The following SBNO1 variants were observed in gnomAD, a reference collection of about 807,000 sequenced individuals.
SBNO1 encodes the protein strawberry notch homolog 1, also known as protein strawberry notch homolog 1.
Under a neutral mutation model 173.6 loss-of-function variants are expected in SBNO1, and 23 were observed. The observed-to-expected ratio is 0.13, with a 90% CI of 0.10 to 0.19. The LOEUF is 0.19. SBNO1 is among the 10% of genes least tolerant of loss of function. SBNO1 has a pLI of 1.00. For synonymous variants in SBNO1, 632 were observed against 571.5 expected (o/e 1.11, Z -1.51); for missense variants, 1,238 against 1,671.2 (o/e 0.74, Z 4.52).
chr12:123,316,798 G>A (rs545010040), intron 21 of SBNO1, among the ~76,000 whole-genome samples: 1 of 151,468 alleles, frequency 6.6e-6, no homozygotes, highest in East Asian at 1.9e-4. Context: ...CGCCTCCCAG[G>A]TTCAAGCAAT....
intron 30 of SBNO1, among the ~76,000 whole-genome samples, chr12:123,299,215 A>G (rs1017923423): frequency 6.6e-6 from 1 of 152,106 alleles, no homozygotes; most frequent in African/African-American, 2.4e-5. Context: ...AAAAATACAA[A>G]AAATTAGCCA....
intron 8 of SBNO1, 69 bp downstream of exon 8, chr12:123,331,173 A>G: frequency 6.7e-7 from 1 of 1,502,184 alleles, no homozygotes; most frequent in Non-Finnish European, 9.2e-7. Context: ...TGTGTTAGCC[A>G]GGATGGTCTC....
intron 1 of SBNO1, among the ~76,000 whole-genome samples, chr12:123,359,773 T>C (rs1034649086): frequency 2.0e-5 from 3 of 152,174 alleles, no homozygotes; most frequent in Non-Finnish European, 4.4e-5. Flanking sequence ...TCCTTTCCAC[T>C]TAAGGAAATT....
intron 4 of SBNO1, among the ~76,000 whole-genome samples, chr12:123,341,574 T>C (rs562456820): frequency 7.2e-4 from 109 of 152,284 alleles, no homozygotes; most frequent in Non-Finnish European, 1.2e-3. Flanking sequence ...CAGGATGGAG[T>C]GCGTTGGCGC....
At chr12:123,336,740 C>T (rs1457990241) in intron 5 of SBNO1, among the ~76,000 whole-genome samples, 1 of 152,206 alleles carries the variant, frequency 6.6e-6, no homozygotes, top group Non-Finnish European at 1.5e-5. Context: ...GTCCTTCCGG[C>T]CACCATCGTG....
intron 1 of SBNO1, among the ~76,000 whole-genome samples, chr12:123,355,531 G>A (rs1178615241): frequency 3.3e-5 from 5 of 151,908 alleles, no homozygotes; most frequent in South Asian, 4.2e-4. Context: ...GTGAACCCGG[G>A]AGGCGGAGGT....
In SBNO1 at chr12:123,345,378, T is replaced by C. The variant is rs773446537; in HGVS notation, c.430A>G (p.Thr144Ala). The part of the protein sequence containing the change: ...VSAPTVRNAM[T>A]SAPSKDQVQL... ...ACTTGGTCTTTTGAAGGTGCAGAGG[T>C]CATGGCATTTCGTACTGTTGGTGCT... The change falls in exon 4 of 32, where the codon ACC becomes GCC. Residue 144 changes from threonine to alanine, a missense_variant. Coordinates refer to ENST00000602398, the MANE Select transcript of SBNO1 (RefSeq NM_001167856.3). 1 of 1,614,182 alleles carries C rather than the reference T, an allele frequency of 6.2e-7. No homozygotes were observed. Among genetic ancestry groups the C allele is most frequent in the Admixed American group, 1.7e-5 (1 of 60,016 alleles).
At chr12:123,329,201 T>A (rs1325217785) in intron 9 of SBNO1, among the ~76,000 whole-genome samples, 3 of 151,920 alleles carry the variant, frequency 2.0e-5, no homozygotes, top group African/African-American at 7.3e-5. Context: ...GCCAACATAG[T>A]GAAACCCCAT....
intron 23 of SBNO1, among the ~76,000 whole-genome samples, chr12:123,314,816 C>T (rs1222451744): frequency 3.9e-5 from 6 of 152,118 alleles, no homozygotes; most frequent in Admixed American, 1.3e-4. Context: ...AGGCTGGTCT[C>T]GAATTCCTGA....
rs1454198535 is a variant in SBNO1, at chr12:123,293,199, T to C, written c.*2709A>G. 1 of 152,206 alleles carries C rather than the reference T, an allele frequency of 6.6e-6. No individual in the cohort carries two copies. Among genetic ancestry groups the C allele is most frequent in the Non-Finnish European group, 1.5e-5 (1 of 68,040 alleles). 9.4% of individuals were successfully genotyped at this position (152,206 alleles called of 1,614,324 possible). The stretch of plus-strand genomic sequence containing the variant: ...TGTGGCATTTAGATCCTGCAATGAA[T>C]GGACCTATTTTACAGAAGTCAGCGG... On this transcript the variant is annotated 3_prime_UTR_variant, in exon 32 of 32. Transcript: ENST00000602398.
At chr12:123,362,479 G>A (rs184219456) in intron 1 of SBNO1, among the ~76,000 whole-genome samples, 4,238 of 148,060 alleles carry the variant, frequency 0.029, 144 homozygotes, top group Admixed American at 0.086. Flanking sequence ...GGATTCTGAC[G>A]GGGGGGCCAA....
chr12:123,319,997 T>A lies in SBNO1; in HGVS notation c.2702A>T (p.Asp901Val), dbSNP rs774812067. The A allele has an allele frequency of 1.2e-6, 2 of 1,613,994 alleles. No homozygotes were observed. Among genetic ancestry groups the A allele is most frequent in the Non-Finnish European group, 1.7e-6 (2 of 1,180,000 alleles). The change falls in exon 20 of 32, where the codon GAT becomes GTT. Residue 901 changes from aspartate to valine, a missense_variant. Coordinates refer to ENST00000602398, the MANE Select transcript of SBNO1 (RefSeq NM_001167856.3). The part of the protein sequence containing the change: ...TGRKGRVVSN[D>V]DGSISYESRS... ...TGACTCATAAGATATGCTTCCATCATCATTGCTCACAACCCGTCCCTTGCG... is the reference window on the plus strand; with the variant it reads ...TGACTCATAAGATATGCTTCCATCAACATTGCTCACAACCCGTCCCTTGCG...
intron 15 of SBNO1, 108 bp downstream of exon 15, chr12:123,325,394 A>G (rs1327108644): frequency 1.4e-6 from 1 of 716,620 alleles, no homozygotes; most frequent in Non-Finnish European, 2.4e-6. Flanking sequence ...AAACTTAAAG[A>G]TGATGCAGGT....
intron 30 of SBNO1, among the ~76,000 whole-genome samples, chr12:123,299,692 A>AAC (rs1046751100): frequency 2.4e-4 from 37 of 151,154 alleles, no homozygotes; most frequent in Non-Finnish European, 4.7e-4. Flanking sequence ...AAAAAAAAAA[A>AAC]AAAAAAACAA....
chr12:123,331,420 T>C (rs1871192012), intron 7 of SBNO1, 45 bp from the exon 8 acceptor site: 2 of 1,593,850 alleles, frequency 1.3e-6, no homozygotes, highest in Non-Finnish European at 1.7e-6. Flanking sequence ...TTCAGATATT[T>C]TGGTGATCAA....
chr12:123,361,729 T>TAAA (rs10649364), intron 1 of SBNO1, among the ~76,000 whole-genome samples: 30,969 of 133,438 alleles, frequency 0.23, 4,190 homozygotes, highest in African/African-American at 0.33. Context: ...CAAGACAGTC[T>TAAA]AAAAAAAAAA....
intron 4 of SBNO1, among the ~76,000 whole-genome samples, chr12:123,341,396 C>T (rs190052627): frequency 2.0e-5 from 3 of 151,844 alleles, no homozygotes; most frequent in Non-Finnish European, 2.9e-5. Flanking sequence ...TGAAATGAGC[C>T]GAGATTGCAC....
intron 4 of SBNO1, among the ~76,000 whole-genome samples, chr12:123,341,973 A>G (rs1431097514): frequency 6.6e-6 from 1 of 151,318 alleles, no homozygotes; most frequent in Non-Finnish European, 1.5e-5. Flanking sequence ...AGATACCCAA[A>G]AGCCAGCATT....
intron 7 of SBNO1, among the ~76,000 whole-genome samples, chr12:123,332,751 G>A (rs567198719): frequency 1.3e-5 from 2 of 151,944 alleles, no homozygotes; most frequent in Admixed American, 1.3e-4. Context: ...ATTTTTGGTA[G>A]AGACAGGGTT....
Sources: allele counts gnomAD v4.1 joint callset (sites outside exome capture counted in the v4.1 genomes callset), GRCh38; gene constraint gnomAD v4.1.1; transcripts MANE v1.5; gene names NCBI Gene and HGNC (gene_info 2026-07-23, HGNC 2026-07-21).